Variants in GRM1 observed in about 807,000 individuals in gnomAD.
GRM1 encodes glutamate metabotropic receptor 1, also known as metabotropic glutamate receptor 1.
A neutral mutation model predicts 90.9 loss-of-function variants in GRM1; 33 were observed. The observed-to-expected ratio is 0.36, with a 90% CI of 0.28 to 0.49. GRM1 has a LOEUF of 0.49. Among genes scored for constraint, GRM1 ranks in the 20% least tolerant of loss-of-function variants. The pLI is 0.99. For synonymous variants in GRM1, 700 were observed against 613.2 expected (o/e 1.14, Z -2.09); for missense variants, 1,190 against 1,534.3 (o/e 0.78, Z 3.75).
chr6:146,033,922 A>G (rs1201627144), intron 1 of GRM1, among the ~76,000 whole-genome samples: 2 of 152,096 alleles, frequency 1.3e-5, no homozygotes, highest in South Asian at 2.1e-4. Flanking sequence ...CTATCTATGT[A>G]CCAGTAACTT....
At chr6:146,424,696 C>T (rs1428119847) in intron 7 of GRM1, among the ~76,000 whole-genome samples, 1 of 152,180 alleles carries the variant, frequency 6.6e-6, no homozygotes, top group Admixed American at 6.5e-5. Flanking sequence ...CCTGCCAGGG[C>T]CCCAGTTCCC....
chr6:146,068,885 A>G (rs555874479), intron 1 of GRM1, among the ~76,000 whole-genome samples: 60 of 152,342 alleles, frequency 3.9e-4, no homozygotes, highest in African/African-American at 1.4e-3. Context: ...TTGAACATCA[A>G]TTGATACATA....
chr6:146,289,180 T>C (rs756791315), intron 2 of GRM1, among the ~76,000 whole-genome samples: 32 of 152,152 alleles, frequency 2.1e-4, no homozygotes, highest in African/African-American at 2.9e-4. Context: ...GAAGAAGGCT[T>C]TGTTATCATA....
chr6:146,373,285 G>A (rs1775971270), intron 5 of GRM1, among the ~76,000 whole-genome samples: 1 of 152,136 alleles, frequency 6.6e-6, no homozygotes, highest in Non-Finnish European at 1.5e-5. Flanking sequence ...AGGAAAAGAG[G>A]TTTAAATATG....
intron 7 of GRM1, chr6:146,426,490 G>T (rs571850686): frequency 7.0e-7 from 1 of 1,434,596 alleles, no homozygotes; most frequent in East Asian, 2.4e-5. Flanking sequence ...CTGAGTGGTG[G>T]ACTTGCCATA....
intron 1 of GRM1, among the ~76,000 whole-genome samples, chr6:146,121,028 G>T (rs987392245): frequency 6.6e-6 from 1 of 152,154 alleles, no homozygotes; most frequent in African/African-American, 2.4e-5. Flanking sequence ...ACTCCTCCTT[G>T]TACCTCTGGT....
chr6:146,036,649 G>T (rs969452362), intron 1 of GRM1, among the ~76,000 whole-genome samples: 1 of 151,730 alleles, frequency 6.6e-6, no homozygotes, highest in African/African-American at 2.4e-5. Context: ...GAAGAGAATT[G>T]CTTCTCAGAA....
chr6:146,215,009 C>T (rs1271726234), intron 2 of GRM1, among the ~76,000 whole-genome samples: 1 of 152,170 alleles, frequency 6.6e-6, no homozygotes, highest in Non-Finnish European at 1.5e-5. Context: ...CAGAAATACA[C>T]CTTATAATGG....
At chr6:146,088,186 A>G (rs765862410) in intron 1 of GRM1, among the ~76,000 whole-genome samples, 7 of 152,132 alleles carry the variant, frequency 4.6e-5, no homozygotes, top group Non-Finnish European at 8.8e-5. Flanking sequence ...CCTAAAAGCT[A>G]GTGATAGTGA....
intron 2 of GRM1, among the ~76,000 whole-genome samples, chr6:146,202,999 T>C (rs1319023513): frequency 1.3e-5 from 2 of 151,710 alleles, no homozygotes; most frequent in African/African-American, 2.4e-5. Flanking sequence ...AGAGAGACAA[T>C]CCTGGCTAAC....
At chr6:146,237,494 A>AGTTATTTGTAAAATATTTTTACAAATG (rs1780694227) in intron 2 of GRM1, among the ~76,000 whole-genome samples, 1 of 152,112 alleles carries the variant, frequency 6.6e-6, no homozygotes, top group Non-Finnish European at 1.5e-5. Context: ...TTTTACAAAT[A>AGTTATTTGTAAAATATTTTTACAAATG]GTTATTTGTA....
intron 2 of GRM1, among the ~76,000 whole-genome samples, chr6:146,193,133 T>A (rs757782513): frequency 6.6e-6 from 1 of 152,198 alleles, no homozygotes; most frequent in Non-Finnish European, 1.5e-5. Context: ...CAGAGAAAGA[T>A]AAATTTTGAG....
At chr6:146,049,793 A>G (rs1273749110) in intron 1 of GRM1, among the ~76,000 whole-genome samples, 1 of 151,772 alleles carries the variant, frequency 6.6e-6, no homozygotes, top group Non-Finnish European at 1.5e-5. Context: ...CCATGGAGTG[A>G]GTATTTATTG....
chr6:146,174,793 G>A (rs1407357334), intron 2 of GRM1, among the ~76,000 whole-genome samples: 1 of 152,162 alleles, frequency 6.6e-6, no homozygotes, highest in African/African-American at 2.4e-5. Context: ...AAATGCAAAT[G>A]GTTTTCATCC....
In GRM1 at chr6:146,314,829, G is replaced by T. The variant is rs116430419; in HGVS notation, c.1186+9983G>T. Among the ~76,000 whole-genome samples the T allele has an allele frequency of 2.2e-3, 333 of 152,156 alleles. 3 individuals carry two copies. The highest frequency in any genetic ancestry group is 7.7e-3 in the African/African-American group (319 of 41,536). On this transcript the variant is annotated intron_variant, in intron 3 of 7. Transcript: ENST00000282753. ...TTGGGTCATAATAGCTATAAAACAT[G>T]ATTTCTAATTAGCTAGATTTCTTAT...
chr6:146,281,255 A>G (rs570062200), intron 2 of GRM1, among the ~76,000 whole-genome samples: 1 of 152,272 alleles, frequency 6.6e-6, no homozygotes, highest in African/African-American at 2.4e-5. Context: ...ACAGGAAGTA[A>G]ACTAACCAGA....
At chr6:146,407,236 G>A (rs549029403) in intron 7 of GRM1, among the ~76,000 whole-genome samples, 1 of 152,296 alleles carries the variant, frequency 6.6e-6, no homozygotes, top group African/African-American at 2.4e-5. Flanking sequence ...AGGAAGGGGC[G>A]AATGGCCCCA....
At chr6:146,115,913 C>G (rs1379024674) in intron 1 of GRM1, among the ~76,000 whole-genome samples, 1 of 152,062 alleles carries the variant, frequency 6.6e-6, no homozygotes, top group African/African-American at 2.4e-5. Flanking sequence ...CTGTTCTTGT[C>G]TTATTGTATT....
intron 3 of GRM1, among the ~76,000 whole-genome samples, chr6:146,307,635 T>G (rs1783625737): frequency 6.6e-6 from 1 of 152,194 alleles, no homozygotes; most frequent in South Asian, 2.1e-4. Flanking sequence ...TGCAGACACA[T>G]CTATGAAAAT....
Sources: allele counts gnomAD v4.1 joint callset (sites outside exome capture counted in the v4.1 genomes callset), GRCh38; gene constraint gnomAD v4.1.1; transcripts MANE v1.5; gene names NCBI Gene and HGNC (gene_info 2026-07-23, HGNC 2026-07-21).